Variants in DLG2 observed in about 807,000 individuals in gnomAD.
DLG2 encodes the protein disks large homolog 2.
A neutral mutation model predicts 132.5 loss-of-function variants in DLG2; 45 were observed. That is an observed-to-expected ratio of 0.34 (90% CI 0.27 to 0.44). The LOEUF is 0.44. Ranked by LOEUF, DLG2 falls within the 20% of genes least tolerant of loss-of-function variation. DLG2 has a pLI of 1.00. For synonymous variants in DLG2, 424 were observed against 419.6 expected, an observed-to-expected ratio of 1.01 and a Z score of -0.13; for missense variants, 1,045 against 1,196.9, an observed-to-expected ratio of 0.87 and a Z score of 1.87.
chr11:84,940,954 G>T (rs2049334677), intron 6 of DLG2, among the ~76,000 whole-genome samples: 1 of 152,086 alleles, frequency 6.6e-6, no homozygotes. Context: ...TGGATATTCA[G>T]TTTTCCCAGG....
At chr11:85,306,354 C>A (rs1264456425) in intron 3 of DLG2, among the ~76,000 whole-genome samples, 1 of 152,142 alleles carries the variant, frequency 6.6e-6, no homozygotes, top group Non-Finnish European at 1.5e-5. Context: ...AGCTTACATT[C>A]TATAAAATGC....
In DLG2 at chr11:84,958,708, G is replaced by A. The variant is rs145257658; in HGVS notation, c.357+152953C>T. The stretch of plus-strand genomic sequence containing the variant: ...GAGTACTCTTTTGGGAGTTCTGCTC[G>A]CTGTCCAATCCAAGCATCATTAAAT... On this transcript the variant is annotated intron_variant, in intron 6 of 27. Coordinates refer to ENST00000376104, the MANE Select transcript of DLG2 (RefSeq NM_001142699.3). Among the ~76,000 whole-genome samples, 117 of 152,200 alleles carry A rather than the reference G, an allele frequency of 7.7e-4. 2 individuals are homozygous for A. Among genetic ancestry groups the A allele is most frequent in the African/African-American group, 2.4e-3 (99 of 41,542 alleles).
chr11:85,117,039 G>A (rs1046278808), intron 5 of DLG2, among the ~76,000 whole-genome samples: 6 of 152,102 alleles, frequency 3.9e-5, no homozygotes, highest in Admixed American at 6.6e-5. Context: ...GTGAGATAAC[G>A]TGGCAAATTG....
intron 11 of DLG2, among the ~76,000 whole-genome samples, chr11:84,056,625 A>T (rs2096505350): frequency 6.6e-6 from 1 of 152,178 alleles, no homozygotes. Context: ...ATTGTAATTC[A>T]AAAATGAAGA....
Position 85,272,330 on chromosome 11 carries a change from G to C in DLG2, c.186+12890C>G, listed in dbSNP as rs112014678. 2.3e-3 allele frequency among the ~76,000 whole-genome samples: 355 copies of C among 152,210 alleles called. 3 individuals are homozygous for C. The highest frequency in any genetic ancestry group is 8.2e-3 in the African/African-American group (342 of 41,536). On this transcript the variant is annotated intron_variant, in intron 4 of 27. Transcript: ENST00000376104. ...TTGTAAGTTGCCCAGTCTCAGATAT[G>C]TCTTTATCAGCAGTATGAAAATAGA...
chr11:84,327,580 A>C (rs1271621737), intron 7 of DLG2, among the ~76,000 whole-genome samples: 1 of 151,766 alleles, frequency 6.6e-6, no homozygotes, highest in South Asian at 2.1e-4. Flanking sequence ...TTTCTTTTGC[A>C]TATCTTCTAT....
chr11:83,836,716 T>C (rs1595171002), intron 16 of DLG2, among the ~76,000 whole-genome samples: 1 of 152,304 alleles, frequency 6.6e-6, no homozygotes, highest in Non-Finnish European at 1.5e-5. Flanking sequence ...CCTACCACTA[T>C]CAGAGAGACA....
chr11:83,807,141 G>A (rs1565147805), intron 17 of DLG2, among the ~76,000 whole-genome samples: 1 of 152,184 alleles, frequency 6.6e-6, no homozygotes, highest in African/African-American at 2.4e-5. Context: ...ACAATAAGGA[G>A]TGAGAAAGAG....
chr11:84,889,650 A>T (rs2088980912), intron 6 of DLG2, among the ~76,000 whole-genome samples: 1 of 152,192 alleles, frequency 6.6e-6, no homozygotes, highest in South Asian at 2.1e-4. Flanking sequence ...TTTTAAATTA[A>T]ATTAAAACTG....
intron 4 of DLG2, among the ~76,000 whole-genome samples, chr11:85,272,595 G>A (rs1214813050): frequency 1.3e-5 from 2 of 152,192 alleles, no homozygotes; most frequent in East Asian, 3.9e-4. Flanking sequence ...ACTGCTCAAC[G>A]AAATAAAAGA....
At chr11:83,560,113 C>G (rs2096585855) in intron 19 of DLG2, among the ~76,000 whole-genome samples, 1 of 149,432 alleles carries the variant, frequency 6.7e-6, no homozygotes, top group African/African-American at 2.4e-5. Flanking sequence ...GGGGGCTGAA[C>G]TTTGCTTTTT....
chr11:85,139,329 C>T (rs2076315030), intron 5 of DLG2, among the ~76,000 whole-genome samples: 1 of 152,036 alleles, frequency 6.6e-6, no homozygotes, highest in South Asian at 2.1e-4. Flanking sequence ...AGATGCATCA[C>T]ATGGAAACTC....
At chr11:84,022,492 G>A (rs1316727) in intron 11 of DLG2, among the ~76,000 whole-genome samples, 1 of 152,142 alleles carries the variant, frequency 6.6e-6, no homozygotes, top group Non-Finnish European at 1.5e-5. Context: ...CTCTTCTATA[G>A]AAACAAAAGC....
intron 19 of DLG2, among the ~76,000 whole-genome samples, chr11:83,610,117 C>T (rs1048476423): frequency 6.6e-6 from 1 of 152,144 alleles, no homozygotes; most frequent in Non-Finnish European, 1.5e-5. Context: ...TTTATATTTA[C>T]TACAAATACT....
At chr11:84,505,694 C>T (rs1567816648) in intron 7 of DLG2, among the ~76,000 whole-genome samples, 1 of 151,988 alleles carries the variant, frequency 6.6e-6, no homozygotes, top group Non-Finnish European at 1.5e-5. Flanking sequence ...ATCATTATTA[C>T]CATTATTTAA....
At chr11:85,211,073 C>T (rs927722537) in intron 4 of DLG2, among the ~76,000 whole-genome samples, 1 of 152,078 alleles carries the variant, frequency 6.6e-6, no homozygotes, top group Non-Finnish European at 1.5e-5. Context: ...TGTAGTTGCT[C>T]ATCTCTACCT....
intron 19 of DLG2, among the ~76,000 whole-genome samples, chr11:83,573,497 T>C (rs1240392985): frequency 6.6e-6 from 1 of 152,162 alleles, no homozygotes; most frequent in East Asian, 1.9e-4. Flanking sequence ...TGATGAATAA[T>C]GCAACCTTAT....
At chr11:85,585,179 T>C (rs1455857204) in intron 3 of DLG2, among the ~76,000 whole-genome samples, 1 of 152,196 alleles carries the variant, frequency 6.6e-6, no homozygotes, top group Non-Finnish European at 1.5e-5. Flanking sequence ...GATTTTTATA[T>C]ACGATGAGAG....
intron 7 of DLG2, among the ~76,000 whole-genome samples, chr11:84,310,445 G>C (rs2098275020): frequency 6.6e-6 from 1 of 152,170 alleles, no homozygotes; most frequent in South Asian, 2.1e-4. Flanking sequence ...TGTGAACATG[G>C]TGATTATGCA....
Sources: gnomAD v4.1 joint callset for allele counts (sites outside exome capture counted in the v4.1 genomes callset) on GRCh38, gnomAD v4.1.1 for gene constraint, MANE v1.5 for transcripts, NCBI Gene and HGNC (gene_info 2026-07-23, HGNC 2026-07-21) for gene names.